The following TDRD12 variants were observed in gnomAD, a reference collection of about 807,000 sequenced individuals.
The protein encoded by TDRD12 is putative ATP-dependent RNA helicase TDRD12.
Under a neutral mutation model 133.5 loss-of-function variants are expected in TDRD12, and 158 were observed. That is an observed-to-expected ratio of 1.18 (90% CI 1.04 to 1.35). The LOEUF (loss-of-function observed/expected upper bound fraction) is 1.35, where lower values mean the gene tolerates loss of function less well. Among genes scored for constraint, TDRD12 ranks in the 40% most tolerant of loss-of-function variants. TDRD12 has a pLI of 0.00. For synonymous variants in TDRD12, 460 were observed against 477.9 expected, an observed-to-expected ratio of 0.96 and a Z score of 0.49; for missense variants, 1,443 against 1,321.3, an observed-to-expected ratio of 1.09 and a Z score of -1.43.
chr19:32,806,982 C>G (rs777072205), intron 21 of TDRD12, among the ~76,000 whole-genome samples: 12 of 152,062 alleles, frequency 7.9e-5, no homozygotes, highest in African/African-American at 2.7e-4. Flanking sequence ...ACTTTTAAAA[C>G]GGCAATTTCA....
chr19:32,762,238 TGTTGTCTCTAAAAA>T (rs1235035168), intron 8 of TDRD12, among the ~76,000 whole-genome samples: 5 of 152,206 alleles, frequency 3.3e-5, no homozygotes, highest in Non-Finnish European at 7.3e-5. Context: ...GTGCCTTTGG[TGTTGTCTCTAAAAA>T]GCCATTGCCA....
intron 4 of TDRD12, among the ~76,000 whole-genome samples, chr19:32,746,093 G>A (rs71351192): frequency 7.5e-6 from 1 of 134,174 alleles, no homozygotes; most frequent in African/African-American, 2.9e-5. Context: ...TGTGACAGAG[G>A]GGGAGAGAGA....
At chr19:32,820,739 T>C (rs1967352584) in intron 27 of TDRD12, among the ~76,000 whole-genome samples, 1 of 152,216 alleles carries the variant, frequency 6.6e-6, no homozygotes, top group South Asian at 2.1e-4. Flanking sequence ...TGTCACTTTC[T>C]GTCCTTTGGT....
At chr19:32,781,137 G>T (rs1049942799) in intron 11 of TDRD12, among the ~76,000 whole-genome samples, 2 of 151,954 alleles carry the variant, frequency 1.3e-5, no homozygotes, top group Non-Finnish European at 2.9e-5. Context: ...TAGAGACGGG[G>T]TTTCACCGTG....
At chr19:32,755,074 G>C (rs1350391913) in intron 6 of TDRD12, among the ~76,000 whole-genome samples, 1 of 152,132 alleles carries the variant, frequency 6.6e-6, no homozygotes, top group African/African-American at 2.4e-5. Context: ...CTTTCATTTG[G>C]CAAAATTATT....
intron 22 of TDRD12, among the ~76,000 whole-genome samples, chr19:32,809,248 AT>A (rs1966916055): frequency 6.6e-6 from 1 of 152,054 alleles, no homozygotes; most frequent in South Asian, 2.1e-4. Flanking sequence ...CAGTGTGGAG[AT>A]TTCACAGGGG....
At chr19:32,812,731 G>T (rs1248005185) in intron 24 of TDRD12, among the ~76,000 whole-genome samples, 1 of 152,224 alleles carries the variant, frequency 6.6e-6, no homozygotes, top group African/African-American at 2.4e-5. Flanking sequence ...ATGGAGAAAG[G>T]TTCTCCTGTG....
chr19:32,733,486 G>A (rs924186963), intron 2 of TDRD12, among the ~76,000 whole-genome samples: 3 of 145,182 alleles, frequency 2.1e-5, no homozygotes, highest in Non-Finnish European at 3.0e-5. Flanking sequence ...AAAAAAAAAT[G>A]TATATGTGTG....
At chr19:32,810,210 A>G (rs1203628966) in exon 23 of TDRD12, 16 of 1,535,810 alleles carry the variant, frequency 1.0e-5, no homozygotes, top group African/African-American at 1.4e-5. Context: ...GGATTCTAAT[A>G]AAACAACTGT....
intron 4 of TDRD12, among the ~76,000 whole-genome samples, chr19:32,748,246 C>T (rs1969713319): frequency 6.6e-6 from 1 of 152,062 alleles, no homozygotes; most frequent in Non-Finnish European, 1.5e-5. Flanking sequence ...TCAGTGGGGC[C>T]TCTGTGCTAT....
intron 6 of TDRD12, 33 bp downstream of exon 6, chr19:32,749,902 C>A: frequency 7.1e-7 from 1 of 1,409,968 alleles, no homozygotes; most frequent in Non-Finnish European, 9.7e-7. Flanking sequence ...TATAATATTT[C>A]ATCATTTTAA....
intron 13 of TDRD12, among the ~76,000 whole-genome samples, chr19:32,794,092 C>CTTTTTTTTTT (rs751938374): frequency 2.0e-5 from 1 of 49,828 alleles, no homozygotes; most frequent in African/African-American, 9.1e-5. Context: ...CTGTGCCTGG[C>CTTTTTTTTTT]TTTTTTTTTT....
chr19:32,808,671 T>C (rs947228598), intron 22 of TDRD12, among the ~76,000 whole-genome samples: 1 of 152,230 alleles, frequency 6.6e-6, no homozygotes, highest in African/African-American at 2.4e-5. Flanking sequence ...ATACCTCTTT[T>C]GGGAGAGTCA....
At chr19:32,796,855 G>C (rs1228368750) in intron 14 of TDRD12, among the ~76,000 whole-genome samples, 1 of 152,134 alleles carries the variant, frequency 6.6e-6, no homozygotes, top group Non-Finnish European at 1.5e-5. Context: ...GAATGAAAGA[G>C]GAGCCTCAGC....
At chr19:32,782,052 T>A (rs2145634113) in intron 11 of TDRD12, among the ~76,000 whole-genome samples, 1 of 152,270 alleles carries the variant, frequency 6.6e-6, no homozygotes, top group Non-Finnish European at 1.5e-5. Context: ...TGTGCCATGG[T>A]GGTTTGCTGC....
intron 27 of TDRD12, among the ~76,000 whole-genome samples, chr19:32,818,564 T>C (rs1967268278): frequency 6.6e-6 from 1 of 152,118 alleles, no homozygotes; most frequent in South Asian, 2.1e-4. Flanking sequence ...TTGTGGAGGT[T>C]GAGAAGCTGC....
intron 4 of TDRD12, among the ~76,000 whole-genome samples, chr19:32,746,303 A>C (rs1452423261): frequency 7.3e-6 from 1 of 137,728 alleles, no homozygotes; most frequent in Non-Finnish European, 1.6e-5. Context: ...TGTGTGTGAC[A>C]GAGGGGGAGA....
At chr19:32,789,891 A>G (rs1971019216) in intron 11 of TDRD12, among the ~76,000 whole-genome samples, 1 of 151,992 alleles carries the variant, frequency 6.6e-6, no homozygotes, top group Non-Finnish European at 1.5e-5. Context: ...AGTCCCAGCT[A>G]CTCAGGAGGC....
At chr19:32,809,444 G>A (rs1966922160) in intron 22 of TDRD12, among the ~76,000 whole-genome samples, 1 of 152,134 alleles carries the variant, frequency 6.6e-6, no homozygotes, top group African/African-American at 2.4e-5. Context: ...CGCCAGCCCG[G>A]TCCTCTCCCC....
Sources: gnomAD v4.1 joint callset for allele counts (sites outside exome capture counted in the v4.1 genomes callset) on GRCh38, gnomAD v4.1.1 for gene constraint, MANE v1.5 for transcripts, NCBI Gene and HGNC (gene_info 2026-07-23, HGNC 2026-07-21) for gene names.